EPHA5: variants seen among roughly 807,000 people sequenced by gnomAD.
EPHA5 encodes EPH receptor A5.
EPHA5 carries 60 observed loss-of-function variants against 105.0 expected under a neutral mutation model. That is an observed-to-expected ratio of 0.57 (90% CI 0.46 to 0.71). The LOEUF (loss-of-function observed/expected upper bound fraction) is 0.71. Among genes scored for constraint, EPHA5 ranks in the 30% least tolerant of loss-of-function variants. The pLI is 0.00. For missense variants in EPHA5, 1,218 were observed against 1,274.7 expected (o/e 0.96, Z 0.68); for synonymous variants, 513 against 449.1 (o/e 1.14, Z -1.80).
intron 8 of EPHA5, among the ~76,000 whole-genome samples, chr4:65,390,054 A>T (rs868423920): frequency 1.3e-5 from 2 of 151,708 alleles, no homozygotes; most frequent in Non-Finnish European, 2.9e-5. Flanking sequence ...GTCCAAGAGT[A>T]CTCTATTTTT....
chr4:65,481,578 C>T (rs1011165537), intron 5 of EPHA5, among the ~76,000 whole-genome samples: 1 of 152,150 alleles, frequency 6.6e-6, no homozygotes, highest in African/African-American at 2.4e-5. Flanking sequence ...AAGCAATATT[C>T]TTTCTGACCA....
intron 3 of EPHA5, among the ~76,000 whole-genome samples, chr4:65,571,309 C>T (rs76577574): frequency 0.047 from 6,818 of 143,828 alleles, 223 homozygotes; most frequent in East Asian, 0.16. Flanking sequence ...AACAATATGG[C>T]TTGTTTACAA....
At chr4:65,456,244 T>A in intron 5 of EPHA5, among the ~76,000 whole-genome samples, 1 of 152,174 alleles carries the variant, frequency 6.6e-6, no homozygotes, top group East Asian at 1.9e-4. Context: ...ATCTCTACTG[T>A]ATTTGCCTTC....
At chr4:65,624,689 A>T (rs913320166) in intron 2 of EPHA5, among the ~76,000 whole-genome samples, 4 of 152,210 alleles carry the variant, frequency 2.6e-5, no homozygotes, top group Non-Finnish European at 4.4e-5. Flanking sequence ...TATTGGATTT[A>T]TCCCAGATTC....
In EPHA5 at chr4:65,419,133, C is replaced by T. The variant is rs537501061; in HGVS notation, c.1527+1308G>A. ...CTACTGACCTCAGGCGACCACCCGC[C>T]TCAGCCTTCCAAAGTTCTGGAATTA... On this transcript the variant is annotated intron_variant, in intron 6 of 16. Transcript: ENST00000613740. Among the ~76,000 whole-genome samples the T allele has an allele frequency of 1.5e-3, 224 of 152,064 alleles. 1 individual carries two copies. Among genetic ancestry groups the T allele is most frequent in the African/African-American group, 5.2e-3 (216 of 41,472 alleles).
chr4:65,614,491 C>T (rs28439671), intron 2 of EPHA5, among the ~76,000 whole-genome samples: 46,060 of 151,484 alleles, frequency 0.3, 7,151 homozygotes, highest in Non-Finnish European at 0.33. Flanking sequence ...ATGTCCCTGA[C>T]CTCCCTTTAT....
intron 16 of EPHA5, among the ~76,000 whole-genome samples, chr4:65,327,754 A>G (rs1014112147): frequency 4.0e-5 from 6 of 151,238 alleles, no homozygotes; most frequent in Admixed American, 2.6e-4. Context: ...TACAGATGAG[A>G]ATTAACACAG....
At chr4:65,330,566 A>C in intron 16 of EPHA5, 1 of 440,134 alleles carries the variant, frequency 2.3e-6, no homozygotes, top group Non-Finnish European at 3.1e-6. Context: ...TGTTTAATGC[A>C]AATAATTTTA....
intron 2 of EPHA5, among the ~76,000 whole-genome samples, chr4:65,638,204 T>A (rs571634486): frequency 3.3e-4 from 51 of 152,256 alleles, no homozygotes; most frequent in Non-Finnish European, 6.5e-4. Flanking sequence ...CATTTTGAAT[T>A]CCCAAGGGAC....
intron 3 of EPHA5, among the ~76,000 whole-genome samples, chr4:65,498,535 A>G (rs1035744917): frequency 6.6e-6 from 1 of 151,984 alleles, no homozygotes; most frequent in East Asian, 1.9e-4. Flanking sequence ...AGACAATGTC[A>G]CTTAACCAGA....
At chr4:65,440,568 T>C (rs1218589143) in intron 5 of EPHA5, among the ~76,000 whole-genome samples, 5 of 149,864 alleles carry the variant, frequency 3.3e-5, no homozygotes, top group Non-Finnish European at 7.4e-5. Context: ...CCAGAAATAA[T>C]GTAAAGTTAT....
At chr4:65,556,042 T>C (rs1416273670) in intron 3 of EPHA5, among the ~76,000 whole-genome samples, 1 of 152,178 alleles carries the variant, frequency 6.6e-6, no homozygotes. Context: ...CCGATGCTGA[T>C]GAATGTGTGC....
At chr4:65,456,095 C>A (rs1578155133) in intron 5 of EPHA5, among the ~76,000 whole-genome samples, 1 of 152,164 alleles carries the variant, frequency 6.6e-6, no homozygotes, top group Middle Eastern at 3.4e-3. Flanking sequence ...GAGAGAGAAA[C>A]TTGTTAAAAG....
chr4:65,509,642 T>A (rs1169655016), intron 3 of EPHA5, among the ~76,000 whole-genome samples: 1 of 152,208 alleles, frequency 6.6e-6, no homozygotes, highest in Non-Finnish European at 1.5e-5. Context: ...TGATTACTAA[T>A]CTGCCACTAT....
intron 3 of EPHA5, among the ~76,000 whole-genome samples, chr4:65,544,465 C>T (rs990132010): frequency 6.6e-6 from 1 of 151,644 alleles, no homozygotes; most frequent in African/African-American, 2.4e-5. Context: ...GGCCAAGAAA[C>T]ATATGAAAAA....
intron 5 of EPHA5, among the ~76,000 whole-genome samples, chr4:65,465,528 A>AG (rs769145817): frequency 6.5e-5 from 5 of 76,382 alleles, no homozygotes; most frequent in South Asian, 5.4e-4. Flanking sequence ...AGAAAGAAAG[A>AG]AAAGAAAGGA....
At chr4:65,454,966 C>T (rs1288304403) in intron 5 of EPHA5, among the ~76,000 whole-genome samples, 2 of 152,132 alleles carry the variant, frequency 1.3e-5, no homozygotes, top group East Asian at 1.9e-4. Context: ...TATATTTCTG[C>T]TTGGCACGGT....
At chr4:65,513,687 C>G (rs780211892) in intron 3 of EPHA5, among the ~76,000 whole-genome samples, 3 of 152,104 alleles carry the variant, frequency 2.0e-5, no homozygotes, top group Admixed American at 6.6e-5. Context: ...CGCCCAGCCT[C>G]AAAAGATTTC....
intron 5 of EPHA5, among the ~76,000 whole-genome samples, chr4:65,427,070 G>A (rs1578092473): frequency 6.6e-6 from 1 of 150,530 alleles, no homozygotes; most frequent in African/African-American, 2.4e-5. Context: ...AGAGTTACTG[G>A]AAAAAAAGTC....
Sources: gnomAD v4.1 joint callset for allele counts (sites outside exome capture counted in the v4.1 genomes callset) on GRCh38, gnomAD v4.1.1 for gene constraint, MANE v1.5 for transcripts, NCBI Gene and HGNC (gene_info 2026-07-23, HGNC 2026-07-21) for gene names.